RUNX1T1: variants seen among roughly 807,000 people sequenced by gnomAD.
The protein encoded by RUNX1T1 is protein CBFA2T1.
In RUNX1T1, 4 loss-of-function variants were observed where a neutral mutation model predicts 62.8. The ratio of observed to expected loss-of-function variants is 0.06; its 90% confidence interval spans 0.03 to 0.15. RUNX1T1 has a LOEUF of 0.15. RUNX1T1 is among the 10% of genes least tolerant of loss of function. The probability of loss-of-function intolerance (pLI) is 1.00; values close to 1 mark genes in which losing one functional copy is unlikely to be tolerated. For missense variants in RUNX1T1, 508 were observed against 754.3 expected, an observed-to-expected ratio of 0.67 and a Z score of 3.82; for synonymous variants, 291 against 286.0, an observed-to-expected ratio of 1.02 and a Z score of -0.18.
At chr8:91,985,100 T>C (rs144523961) in intron 8 of RUNX1T1, among the ~76,000 whole-genome samples, 1 of 152,320 alleles carries the variant, frequency 6.6e-6, no homozygotes, top group Admixed American at 6.5e-5. Flanking sequence ...ATGGTACTAA[T>C]GAGGCCAAAA....
chr8:92,062,626 T>C lies in RUNX1T1; in HGVS notation c.-74A>G, dbSNP rs757434194. On this transcript the variant is annotated 5_prime_UTR_variant, in exon 1 of 11. Coordinates refer to ENST00000396218, the Ensembl canonical transcript of RUNX1T1. ...GCGCGTTCCGGGCTCATGCCTCCTG[T>C]TCTGGAATGAGTGGCAGCAGAGAGG... 4.3e-6 allele frequency: 7 copies of C among 1,613,976 alleles called. No individual in the cohort carries two copies. The Middle Eastern group carries it at 6.6e-4, about 152-fold the overall frequency.
intron 1 of RUNX1T1, chr8:92,094,963 C>G: frequency 8.1e-7 from 1 of 1,237,022 alleles, no homozygotes; most frequent in East Asian, 2.5e-5. Context: ...TATCGAGTCT[C>G]TTTAAACCTA....
intron 5 of RUNX1T1, among the ~76,000 whole-genome samples, chr8:92,003,104 G>A (rs1820074638): frequency 6.6e-6 from 1 of 152,126 alleles, no homozygotes; most frequent in Non-Finnish European, 1.5e-5. Context: ...TTAACCATGT[G>A]AACTCTGACT....
chr8:92,033,264 A>T lies in RUNX1T1; in HGVS notation c.8-15901T>A, dbSNP rs370003684. ...TCCACAGTGGAATACAATGTTGTGT[A>T]TATTTACTTGGAAAGATCTTTAAAA... On this transcript the variant is annotated intron_variant, in intron 1 of 10. Transcript: ENST00000396218. Among the ~76,000 whole-genome samples, 13 of 152,332 alleles carry T rather than the reference A, an allele frequency of 8.5e-5. No homozygotes were observed. The East Asian group carries it at 2.3e-3, about 27-fold the overall frequency.
In RUNX1T1 at chr8:92,038,932, A is replaced by AG. The variant is rs372451545; in HGVS notation, c.8-21570dup. On this transcript the variant is annotated intron_variant, in intron 1 of 10. Coordinates refer to ENST00000396218, the Ensembl canonical transcript of RUNX1T1. The stretch of plus-strand genomic sequence containing the variant: ...CCTTCTCAAAACCTAGGCTTGCTGG[A>AG]GTCTCTCTCATCCAGAAAAATTAAC... Among the ~76,000 whole-genome samples, 848 of 152,066 alleles carry AG rather than the reference A, an allele frequency of 5.6e-3. 10 individuals carry two copies. Among genetic ancestry groups the AG allele is most frequent in the African/African-American group, 0.019 (782 of 41,468 alleles).
At chr8:91,963,143 G>A (rs1810869363) in intron 10 of RUNX1T1, among the ~76,000 whole-genome samples, 1 of 152,202 alleles carries the variant, frequency 6.6e-6, no homozygotes, top group African/African-American at 2.4e-5. Flanking sequence ...AGATGTTTTG[G>A]ATCGTGAAGC....
chr8:92,049,232 T>C (rs541596902), intron 1 of RUNX1T1, among the ~76,000 whole-genome samples: 1 of 152,322 alleles, frequency 6.6e-6, no homozygotes, highest in Non-Finnish European at 1.5e-5. Context: ...GGCAACTATC[T>C]TTTTCGAATT....
At chr8:92,003,270 A>G (rs1820104861) in intron 5 of RUNX1T1, 3 of 433,354 alleles carry the variant, frequency 6.9e-6, no homozygotes, top group Admixed American at 2.6e-5. Flanking sequence ...TGAAGTTTTC[A>G]TATCAGTGTT....
chr8:91,975,041 C>T (rs2130685758), intron 9 of RUNX1T1, among the ~76,000 whole-genome samples: 1 of 152,316 alleles, frequency 6.6e-6, no homozygotes, highest in Admixed American at 6.5e-5. Context: ...TTCCCAGTTT[C>T]CCAACTCAAA....
At position 92,014,559 on chromosome 8, in the gene RUNX1T1, G is replaced by C; in HGVS notation, c.387+20C>G. The C allele has an allele frequency of 6.3e-7, 1 of 1,575,158 alleles. No homozygotes were observed. The highest frequency in any genetic ancestry group is 1.2e-5 in the South Asian group (1 of 84,972). On this transcript the variant is annotated intron_variant, in intron 3 of 10. Coordinates refer to ENST00000396218, the Ensembl canonical transcript of RUNX1T1. ...CTATCCCTTACACCAAGAAAACTGG[G>C]TTGGTTTCCATTTGCTTACCACTAG... is the stretch of plus-strand genomic sequence containing the variant.
chr8:92,059,901 A>C (rs1414940376), intron 1 of RUNX1T1, among the ~76,000 whole-genome samples: 1 of 152,150 alleles, frequency 6.6e-6, no homozygotes, highest in African/African-American at 2.4e-5. Flanking sequence ...GGGTGGTCTG[A>C]CCTAATACTA....
intron 8 of RUNX1T1, among the ~76,000 whole-genome samples, chr8:91,978,993 T>G (rs563254455): frequency 6.6e-6 from 1 of 152,280 alleles, no homozygotes; most frequent in East Asian, 1.9e-4. Context: ...TAAAAGACAG[T>G]TTTTCAAAAT....
upstream of RUNX1T1, among the ~76,000 whole-genome samples, chr8:92,067,546 A>G (rs1046177041): frequency 6.6e-5 from 10 of 152,368 alleles, no homozygotes; most frequent in South Asian, 1.2e-3. Context: ...GATAAACCAA[A>G]TAGTCTCTAT....
chr8:92,100,743 T>G (rs765526522), upstream of RUNX1T1, among the ~76,000 whole-genome samples: 6 of 152,234 alleles, frequency 3.9e-5, no homozygotes, highest in Non-Finnish European at 7.3e-5. Flanking sequence ...CTATCTTTAT[T>G]ATCTGAAAAT....
At chr8:92,007,051 T>C (rs56355794) in intron 4 of RUNX1T1, among the ~76,000 whole-genome samples, 355 of 152,324 alleles carry the variant, frequency 2.3e-3, no homozygotes, top group African/African-American at 8.0e-3. Flanking sequence ...GGGTAATATA[T>C]TGTATATATT....
downstream of RUNX1T1, chr8:91,958,153 G>A (rs1316016133): frequency 1.7e-5 from 3 of 173,694 alleles, no homozygotes; most frequent in Non-Finnish European, 1.1e-5. Context: ...AATGCCTGGT[G>A]TATATGTATT....
At chr8:92,042,824 G>A (rs929722220) in intron 1 of RUNX1T1, among the ~76,000 whole-genome samples, 1 of 152,202 alleles carries the variant, frequency 6.6e-6, no homozygotes, top group Non-Finnish European at 1.5e-5. Context: ...GAAAAGATAA[G>A]CATCCACTGT....
chr8:92,093,135 A>T (rs1837287567), intron 1 of RUNX1T1, among the ~76,000 whole-genome samples: 1 of 152,204 alleles, frequency 6.6e-6, no homozygotes, highest in African/African-American at 2.4e-5. Flanking sequence ...TGCTGATCAA[A>T]CAGAAACCTA....
chr8:91,993,478 C>A (rs1370508434), intron 5 of RUNX1T1, among the ~76,000 whole-genome samples: 1 of 151,872 alleles, frequency 6.6e-6, no homozygotes, highest in African/African-American at 2.4e-5. Flanking sequence ...ATGGAGCGGG[C>A]AGGGGACCCT....
Sources: allele counts gnomAD v4.1 joint callset (sites outside exome capture counted in the v4.1 genomes callset), GRCh38; gene constraint gnomAD v4.1.1; transcripts MANE v1.5; gene names NCBI Gene and HGNC (gene_info 2026-07-23, HGNC 2026-07-21).